GULP1: variants seen among roughly 807,000 people sequenced by gnomAD.
The protein encoded by GULP1 is PTB domain-containing engulfment adapter protein 1.
A neutral mutation model predicts 40.9 loss-of-function variants in GULP1; 19 were observed. That is an observed-to-expected ratio of 0.46 (90% confidence interval 0.32 to 0.68). The LOEUF (loss-of-function observed/expected upper bound fraction) is 0.68, where lower values mean the gene tolerates loss of function less well. GULP1 is among the 30% of genes least tolerant of loss of function. The pLI is 0.03. For synonymous variants in GULP1, 119 were observed against 117.6 expected (o/e 1.01, Z -0.08); for missense variants, 312 against 362.2 (o/e 0.86, Z 1.12).
At chr2:188,525,908 C>A (rs190390429) in intron 5 of GULP1, among the ~76,000 whole-genome samples, 2 of 152,056 alleles carry the variant, frequency 1.3e-5, no homozygotes, top group African/African-American at 4.8e-5. Flanking sequence ...ATATAAACAT[C>A]GCTCATTTCC....
At chr2:188,424,501 A>G (rs1412023827) in intron 2 of GULP1, among the ~76,000 whole-genome samples, 1 of 151,898 alleles carries the variant, frequency 6.6e-6, no homozygotes, top group African/African-American at 2.4e-5. Flanking sequence ...TATTTCACTT[A>G]TAAATATTTC....
intron 2 of GULP1, among the ~76,000 whole-genome samples, chr2:188,425,500 A>T (rs1305171996): frequency 6.6e-6 from 1 of 152,166 alleles, no homozygotes; most frequent in Non-Finnish European, 1.5e-5. Context: ...TTCAATAGTC[A>T]GAGTTCTTTT....
At chr2:188,455,149 A>G (rs2059155580) in intron 2 of GULP1, among the ~76,000 whole-genome samples, 1 of 152,100 alleles carries the variant, frequency 6.6e-6, no homozygotes. Context: ...AAAATAAAAT[A>G]AAATAAAATG....
chr2:188,582,258 T>G (rs1190921169), intron 9 of GULP1: 1 of 406,966 alleles, frequency 2.5e-6, no homozygotes, highest in African/African-American at 2.1e-5. Context: ...AACACCATTT[T>G]ACAAATAAAT....
chr2:188,386,307 A>C (rs2049737215), intron 2 of GULP1, among the ~76,000 whole-genome samples: 1 of 152,182 alleles, frequency 6.6e-6, no homozygotes, highest in African/African-American at 2.4e-5. Flanking sequence ...TATCATGAGA[A>C]CAGCGTAGGA....
At chr2:188,318,230 G>A (rs1173266702) in intron 1 of GULP1, among the ~76,000 whole-genome samples, 3 of 152,042 alleles carry the variant, frequency 2.0e-5, no homozygotes, top group African/African-American at 4.8e-5. Flanking sequence ...ACTGACTATC[G>A]CTATATATGT....
At chr2:188,509,015 T>C (rs1414600078) in intron 4 of GULP1, among the ~76,000 whole-genome samples, 1 of 152,064 alleles carries the variant, frequency 6.6e-6, no homozygotes, top group Non-Finnish European at 1.5e-5. Context: ...ATTCAAAGCT[T>C]AAGTCCACGT....
intron 1 of GULP1, among the ~76,000 whole-genome samples, chr2:188,347,152 G>A (rs1389498023): frequency 6.6e-6 from 1 of 152,128 alleles, no homozygotes; most frequent in Non-Finnish European, 1.5e-5. Flanking sequence ...AGCAATAGCT[G>A]CAGGTTGAGG....
chr2:188,585,568 C>A (rs1702196977), intron 10 of GULP1, among the ~76,000 whole-genome samples: 1 of 152,206 alleles, frequency 6.6e-6, no homozygotes, highest in Admixed American at 6.5e-5. Context: ...ACAGGGAAGC[C>A]ACCAAGGCTT....
intron 1 of GULP1, among the ~76,000 whole-genome samples, chr2:188,296,689 T>A (rs2035023738): frequency 6.6e-6 from 1 of 152,142 alleles, no homozygotes; most frequent in African/African-American, 2.4e-5. Flanking sequence ...CAAAGATTAA[T>A]ATGGCTTTTT....
chr2:188,563,502 T>C (rs1383850086), intron 7 of GULP1, among the ~76,000 whole-genome samples: 1 of 149,760 alleles, frequency 6.7e-6, no homozygotes, highest in Non-Finnish European at 1.5e-5. Flanking sequence ...TAATATAAAT[T>C]AATTTATAAA....
At chr2:188,302,576 G>A (rs1023512674) in intron 1 of GULP1, among the ~76,000 whole-genome samples, 1 of 152,068 alleles carries the variant, frequency 6.6e-6, no homozygotes, top group South Asian at 2.1e-4. Context: ...GTAAACTATA[G>A]TTCCACTCAC....
At chr2:188,486,761 A>C (rs974911977) in intron 4 of GULP1, among the ~76,000 whole-genome samples, 2 of 151,914 alleles carry the variant, frequency 1.3e-5, no homozygotes, top group Admixed American at 6.6e-5. Context: ...GTTTTCTTTA[A>C]TGTGCAGTGA....
At chr2:188,303,350 G>A (rs1428415811) in intron 1 of GULP1, among the ~76,000 whole-genome samples, 2 of 152,132 alleles carry the variant, frequency 1.3e-5, no homozygotes, top group Non-Finnish European at 2.9e-5. Context: ...AGTTAACCAA[G>A]TAGTTTAAGC....
At chr2:188,500,797 G>A (rs1434729367) in intron 4 of GULP1, among the ~76,000 whole-genome samples, 1 of 151,758 alleles carries the variant, frequency 6.6e-6, no homozygotes, top group East Asian at 1.9e-4. Context: ...CTCCCTCAAT[G>A]GGGCCCCTGG....
At chr2:188,375,044 A>G (rs2048124834) in intron 1 of GULP1, among the ~76,000 whole-genome samples, 1 of 152,196 alleles carries the variant, frequency 6.6e-6, no homozygotes, top group African/African-American at 2.4e-5. Flanking sequence ...GGCATAACCA[A>G]TCATCATATA....
At chr2:188,311,681 A>G (rs1446741665) in intron 1 of GULP1, among the ~76,000 whole-genome samples, 2 of 149,186 alleles carry the variant, frequency 1.3e-5, no homozygotes, top group Non-Finnish European at 3.0e-5. Flanking sequence ...TAATATTTAG[A>G]AAGCATTTTA....
At chr2:188,369,806 T>G (rs1240153950) in intron 1 of GULP1, among the ~76,000 whole-genome samples, 1 of 152,104 alleles carries the variant, frequency 6.6e-6, no homozygotes, top group Non-Finnish European at 1.5e-5. Context: ...CCGCTCAGAG[T>G]CTAGAGCCTA....
intron 2 of GULP1, among the ~76,000 whole-genome samples, chr2:188,445,303 A>C (rs770270448): frequency 1.2e-4 from 18 of 152,256 alleles, no homozygotes; most frequent in South Asian, 4.1e-4. Context: ...AAAGGAAAAA[A>C]AAACAAAAAC....
Sources: gnomAD v4.1 joint callset for allele counts (sites outside exome capture counted in the v4.1 genomes callset) on GRCh38, gnomAD v4.1.1 for gene constraint, MANE v1.5 for transcripts, NCBI Gene and HGNC (gene_info 2026-07-23, HGNC 2026-07-21) for gene names.